The following ARSJ variants were observed in gnomAD, a reference collection of about 807,000 sequenced individuals.
ARSJ encodes arylsulfatase J.
Under a neutral mutation model 35.9 loss-of-function variants are expected in ARSJ, and 26 were observed. The observed-to-expected ratio is 0.72, with a 90% CI of 0.53 to 1.00. The LOEUF (loss-of-function observed/expected upper bound fraction) is 1.00, where lower values mean the gene tolerates loss of function less well. Among genes scored for constraint, ARSJ ranks in the 50% least tolerant of loss-of-function variants. The pLI, the probability that ARSJ is intolerant of heterozygous loss-of-function variation, is 0.00. For missense variants in ARSJ, 667 were observed against 723.6 expected, an observed-to-expected ratio of 0.92 and a Z score of 0.90; for synonymous variants, 294 against 267.6, an observed-to-expected ratio of 1.10 and a Z score of -0.96.
intron 1 of ARSJ, among the ~76,000 whole-genome samples, chr4:113,940,579 C>T (rs1227270652): frequency 5.3e-5 from 8 of 151,498 alleles, no homozygotes. Flanking sequence ...ACAGGTGCAG[C>T]AAACCACCGT....
intron 1 of ARSJ, among the ~76,000 whole-genome samples, chr4:113,977,886 G>A (rs12498542): frequency 0.34 from 51,303 of 151,970 alleles, 8,781 homozygotes; most frequent in Admixed American, 0.37. Flanking sequence ...ATTAAATATG[G>A]CCTTCATTAG....
intron 1 of ARSJ, among the ~76,000 whole-genome samples, chr4:113,978,067 G>T (rs918318464): frequency 1.4e-4 from 22 of 152,156 alleles, no homozygotes; most frequent in African/African-American, 5.1e-4. Flanking sequence ...TATCAGTGAT[G>T]GTGAGTGTGA....
At chr4:113,911,480 T>C (rs545180221) in intron 1 of ARSJ, among the ~76,000 whole-genome samples, 6 of 152,058 alleles carry the variant, frequency 3.9e-5, no homozygotes, top group Non-Finnish European at 7.4e-5. Context: ...ATCTAAGAGA[T>C]AGAGGATGAT....
intron 1 of ARSJ, among the ~76,000 whole-genome samples, chr4:113,913,168 T>C (rs1355927954): frequency 6.6e-6 from 1 of 152,128 alleles, no homozygotes; most frequent in Non-Finnish European, 1.5e-5. Flanking sequence ...ATAAGGAAAC[T>C]TGTCAAGTAA....
At chr4:113,946,808 C>T (rs1364659568) in intron 1 of ARSJ, among the ~76,000 whole-genome samples, 2 of 152,026 alleles carry the variant, frequency 1.3e-5, no homozygotes, top group Non-Finnish European at 1.5e-5. Flanking sequence ...ATTATTTTGG[C>T]GACTTGAATT....
intron 1 of ARSJ, among the ~76,000 whole-genome samples, chr4:113,945,911 T>C (rs531334718): frequency 1.4e-4 from 22 of 152,236 alleles, no homozygotes; most frequent in African/African-American, 5.1e-4. Flanking sequence ...GTTGACAGGA[T>C]TCCTGAGGGC....
rs1425804820 is a variant in ARSJ at position 113,903,038 on chromosome 4, C to A, written c.1036G>T (p.Gly346Ter). The change falls in exon 2 of 2, where the codon GGA (glycine) becomes TGA (stop). Residue 346 changes from glycine to a stop codon, truncating the protein, a stop_gained. Coordinates refer to ENST00000315366, the MANE Select transcript of ARSJ (RefSeq NM_024590.4). LOFTEE classifies it high-confidence loss of function. Reference protein sequence around the residue: ...GSNWPLRGSKGTYWEGGIRAV... With the variant: ...GSNWPLRGSK ...CGGATCCCTCCTTCCCAATATGTTC[C>A]TTTGCTACCTCTGAGAGGCCAGTTA... 6 of 1,614,154 alleles carry A rather than the reference C, an allele frequency of 3.7e-6. No individual in the cohort carries two copies. In the South Asian group the frequency reaches 5.5e-5, roughly 15 times the overall value.
chr4:113,947,306 C>G (rs1725550631), intron 1 of ARSJ, among the ~76,000 whole-genome samples: 1 of 151,786 alleles, frequency 6.6e-6, no homozygotes, highest in Non-Finnish European at 1.5e-5. Context: ...CATGGCAAAC[C>G]CCATTTCTAC....
chr4:113,903,806 T>C (rs559206687), intron 1 of ARSJ, 131 bp from the exon 2 acceptor site: 148 of 1,258,920 alleles, frequency 1.2e-4, no homozygotes, highest in Non-Finnish European at 1.4e-4. Flanking sequence ...CAATGATAAA[T>C]GACCAATTCA....
rs146999066 is a variant in ARSJ, at chr4:113,942,303, T to C, written c.398+36134A>G. ...ATTAATTTAACAAACAGCTTCCAGATCAATATTTTATAAGTAAAGCCCAAT... is the reference window on the plus strand; with the variant it reads ...ATTAATTTAACAAACAGCTTCCAGACCAATATTTTATAAGTAAAGCCCAAT... On this transcript the variant is annotated intron_variant, in intron 1 of 1. Coordinates refer to ENST00000315366, the MANE Select transcript of ARSJ (RefSeq NM_024590.4). Among the ~76,000 whole-genome samples, 779 of 152,110 alleles carry C rather than the reference T, an allele frequency of 5.1e-3. 8 individuals carry two copies. Among genetic ancestry groups the C allele is most frequent in the African/African-American group, 0.018 (754 of 41,530 alleles).
rs536175723 is a variant in ARSJ, at chr4:113,953,209, A to G, written c.398+25228T>C. Among the ~76,000 whole-genome samples the G allele has an allele frequency of 2.6e-5, 4 of 152,162 alleles. No individual in the cohort carries two copies. The East Asian group carries it at 7.8e-4, about 30-fold the overall frequency. On this transcript the variant is annotated intron_variant, in intron 1 of 1. Transcript: ENST00000315366. ...CTGGACAATACCGTATTCTGATTCA[A>G]TAATTAGAACTCTGGGAAGAGAGCT... is the stretch of plus-strand genomic sequence containing the variant.
At chr4:113,942,030 T>C (rs985215666) in intron 1 of ARSJ, among the ~76,000 whole-genome samples, 3 of 151,942 alleles carry the variant, frequency 2.0e-5, no homozygotes, top group African/African-American at 7.2e-5. Flanking sequence ...AATGTTAAGA[T>C]ACCTAGGAAG....
rs200459738 is a variant in ARSJ, at chr4:113,903,236, C to T, written c.838G>A (p.Glu280Lys). 73 of 1,614,076 alleles carry T rather than the reference C, an allele frequency of 4.5e-5. No individual in the cohort carries two copies. In the East Asian group the frequency reaches 7.8e-4, roughly 17 times the overall value. Residue 280 changes from glutamate (E) to lysine (K), a missense_variant, in exon 2 of 2, where the codon GAA becomes AAA. By Grantham distance (56) the Glu-to-Lys change is moderately conservative. Transcript: ENST00000315366. The part of the protein sequence containing the change: ...SPLQAPGRYF[E>K]HYRSIININR... Reference sequence around the variant, plus strand: ...ATGTTGATAATGGATCGGTAGTGTTCGAAATACCTGCCAGGAGCTTGCAGT... The same window carrying T: ...ATGTTGATAATGGATCGGTAGTGTTTGAAATACCTGCCAGGAGCTTGCAGT...
chr4:113,912,566 A>G (rs1242885503), intron 1 of ARSJ, among the ~76,000 whole-genome samples: 1 of 152,194 alleles, frequency 6.6e-6, no homozygotes, highest in Admixed American at 6.5e-5. Context: ...ATGTATTATT[A>G]AGTAAAAGAC....
chr4:113,976,434 G>C (rs1393027246), intron 1 of ARSJ, among the ~76,000 whole-genome samples: 1 of 152,038 alleles, frequency 6.6e-6, no homozygotes, highest in Admixed American at 6.5e-5. Context: ...TTCCATTATT[G>C]GAATTCTAAG....
chr4:113,975,703 G>A (rs912237108), intron 1 of ARSJ, among the ~76,000 whole-genome samples: 1 of 152,092 alleles, frequency 6.6e-6, no homozygotes, highest in Non-Finnish European at 1.5e-5. Context: ...TTGTTGCAAG[G>A]ATTAAATGAG....
Position 113,903,609 on chromosome 4 carries a change from C to T in ARSJ, c.465G>A (p.Leu155=), listed in dbSNP as rs769514269. The change falls in exon 2 of 2, where the codon CTG becomes CTA. Residue 155 remains leucine, a synonymous_variant. Coordinates refer to ENST00000315366, the MANE Select transcript of ARSJ (RefSeq NM_024590.4). ...IRPTQPNCLP[L]DNATLPQKLK... The stretch of plus-strand genomic sequence containing the variant: ...GTTTCTGAGGTAGGGTGGCATTGTC[C>T]AGAGGTAAACAGTTGGGTTGGGTAG... 6.2e-7 allele frequency: 1 copy of T among 1,614,100 alleles called. No individual in the cohort carries two copies. Among genetic ancestry groups the T allele is most frequent in the Non-Finnish European group, 8.5e-7 (1 of 1,180,018 alleles).
chr4:113,960,472 G>A (rs1351304282), intron 1 of ARSJ, among the ~76,000 whole-genome samples: 1 of 151,926 alleles, frequency 6.6e-6, no homozygotes. Flanking sequence ...TCTCCATGGT[G>A]GTGTTATAAA....
chr4:113,904,305 G>C (rs1418331268), intron 1 of ARSJ, among the ~76,000 whole-genome samples: 2 of 152,150 alleles, frequency 1.3e-5, no homozygotes, highest in East Asian at 3.9e-4. Context: ...ACTGAAAACT[G>C]ACAAGGTAAG....
Sources: gnomAD v4.1 joint callset for allele counts (sites outside exome capture counted in the v4.1 genomes callset) on GRCh38, gnomAD v4.1.1 for gene constraint, MANE v1.5 for transcripts, NCBI Gene and HGNC (gene_info 2026-07-23, HGNC 2026-07-21) for gene names.